RCAN2: variants seen among roughly 807,000 people sequenced by gnomAD.
RCAN2 encodes regulator of calcineurin 2, also known as calcipressin-2.
In RCAN2, 9 loss-of-function variants were observed where a neutral mutation model predicts 23.6. The ratio of observed to expected loss-of-function variants is 0.38; its 90% CI spans 0.23 to 0.67. The LOEUF (loss-of-function observed/expected upper bound fraction) is 0.67, where lower values mean the gene tolerates loss of function less well. RCAN2 is among the 30% of genes least tolerant of loss of function. RCAN2 has a pLI of 0.51. For missense variants in RCAN2, 273 were observed against 302.3 expected (o/e 0.90, Z 0.72); for synonymous variants, 109 against 115.7 (o/e 0.94, Z 0.37).
chr6:46,385,272 C>A (rs1052000301), intron 2 of RCAN2, among the ~76,000 whole-genome samples: 1 of 152,160 alleles, frequency 6.6e-6, no homozygotes, highest in Admixed American at 6.5e-5. Context: ...AGTAGCCAAA[C>A]AGAGAATTAG....
chr6:46,384,604 A>G (rs1291925058), intron 2 of RCAN2, among the ~76,000 whole-genome samples: 1 of 152,242 alleles, frequency 6.6e-6, no homozygotes, highest in African/African-American at 2.4e-5. Flanking sequence ...GTCTCAGCCA[A>G]CAACAGATGG....
intron 2 of RCAN2, among the ~76,000 whole-genome samples, chr6:46,286,567 G>T (rs1386445873): frequency 6.6e-6 from 1 of 152,196 alleles, no homozygotes; most frequent in Non-Finnish European, 1.5e-5. Flanking sequence ...CCAGAATAAA[G>T]ATGGACTATC....
chr6:46,255,570 G>A (rs1030314921), intron 2 of RCAN2, among the ~76,000 whole-genome samples: 10 of 152,152 alleles, frequency 6.6e-5, no homozygotes, highest in Non-Finnish European at 1.2e-4. Context: ...GTCAACATGA[G>A]GCACATGAAT....
At chr6:46,325,506 G>T (rs764679672) in intron 2 of RCAN2, 39 of 1,613,234 alleles carry the variant, frequency 2.4e-5, no homozygotes, top group Non-Finnish European at 3.2e-5. Flanking sequence ...TTAATAAAGA[G>T]TTAGGCAACC....
intron 1 of RCAN2, 115 bp from the exon 2 acceptor site, chr6:46,457,093 A>C (rs1768060199): frequency 1.5e-6 from 1 of 667,388 alleles, no homozygotes; most frequent in South Asian, 1.9e-5. Flanking sequence ...TTAGGAGCAG[A>C]GGCAGGGGAT....
chr6:46,405,308 G>A (rs922108705), intron 2 of RCAN2, among the ~76,000 whole-genome samples: 4 of 152,052 alleles, frequency 2.6e-5, no homozygotes, highest in Admixed American at 6.5e-5. Context: ...TTATTGCAAA[G>A]AGGGAAAGAA....
intron 2 of RCAN2, among the ~76,000 whole-genome samples, chr6:46,442,919 G>A (rs546384164): frequency 2.0e-5 from 3 of 152,226 alleles, no homozygotes; most frequent in Admixed American, 2.0e-4. Flanking sequence ...TTCATAAAAT[G>A]TCCTACAGCA....
At chr6:46,293,951 G>C (rs537257378) in intron 2 of RCAN2, among the ~76,000 whole-genome samples, 1 of 152,074 alleles carries the variant, frequency 6.6e-6, no homozygotes, top group East Asian at 1.9e-4. Flanking sequence ...TTTTTTTTGA[G>C]AATTGGAAAG....
At chr6:46,292,763 T>C (rs954316142) in intron 2 of RCAN2, among the ~76,000 whole-genome samples, 11 of 152,180 alleles carry the variant, frequency 7.2e-5, no homozygotes, top group African/African-American at 2.7e-4. Context: ...GGGATACATG[T>C]GCAGAACGTG....
At chr6:46,236,681 C>T (rs1766112056) in intron 4 of RCAN2, among the ~76,000 whole-genome samples, 4 of 152,188 alleles carry the variant, frequency 2.6e-5, no homozygotes, top group Admixed American at 2.6e-4. Flanking sequence ...CTGGTATGTA[C>T]TCACACGTGA....
chr6:46,297,612 G>C (rs1762765305), intron 2 of RCAN2, among the ~76,000 whole-genome samples: 1 of 152,078 alleles, frequency 6.6e-6, no homozygotes, highest in Admixed American at 6.6e-5. Context: ...CAGATTCCAT[G>C]AAGGACCAAA....
chr6:46,300,961 C>G (rs1369245131), intron 2 of RCAN2, among the ~76,000 whole-genome samples: 2 of 151,904 alleles, frequency 1.3e-5, no homozygotes, highest in African/African-American at 2.4e-5. Flanking sequence ...GACACCAAGA[C>G]TCTTTTGTCA....
intron 2 of RCAN2, among the ~76,000 whole-genome samples, chr6:46,437,348 T>C (rs374479331): frequency 3.8e-4 from 58 of 152,314 alleles, no homozygotes; most frequent in African/African-American, 1.3e-3. Context: ...CTGCATAAAT[T>C]CCAAGAGCAT....
chr6:46,346,363 A>G (rs1764480671), intron 2 of RCAN2, among the ~76,000 whole-genome samples: 1 of 152,162 alleles, frequency 6.6e-6, no homozygotes, highest in Non-Finnish European at 1.5e-5. Context: ...AACTCATTTT[A>G]TAAGGGCAGC....
chr6:46,335,947 T>C (rs181259678), intron 2 of RCAN2, among the ~76,000 whole-genome samples: 2 of 152,324 alleles, frequency 1.3e-5, no homozygotes, highest in Admixed American at 1.3e-4. Context: ...ATAGGCCCCA[T>C]TTAGAGATGA....
intron 4 of RCAN2, among the ~76,000 whole-genome samples, chr6:46,244,107 T>G (rs537491827): frequency 6.6e-6 from 1 of 152,316 alleles, no homozygotes; most frequent in African/African-American, 2.4e-5. Context: ...ATCTCTGTGT[T>G]TATTACAAAG....
chr6:46,221,787 G>A lies in RCAN2; in HGVS notation c.*1354C>T. The A allele has an allele frequency of 2.5e-6, 1 of 396,078 alleles. No homozygotes were observed. The highest frequency in any genetic ancestry group is 3.6e-5 in the East Asian group (1 of 27,992). 24.5% of individuals were successfully genotyped at this position (396,078 alleles called of 1,614,324 possible). On this transcript the variant is annotated 3_prime_UTR_variant, in exon 5 of 5. Transcript: ENST00000371374. ...ATTGTAATCTGCGTTTGCATCTAAA[G>A]TAATTCATTAATGTACAGGAGTAGA... is the stretch of plus-strand genomic sequence containing the variant.
intron 2 of RCAN2, among the ~76,000 whole-genome samples, chr6:46,312,903 A>G (rs1371143136): frequency 1.3e-5 from 2 of 152,198 alleles, no homozygotes; most frequent in Admixed American, 1.3e-4. Flanking sequence ...CACTCCAGCC[A>G]GAGTGGACTT....
chr6:46,483,376 A>G (rs2150448295), intron 1 of RCAN2, among the ~76,000 whole-genome samples: 1 of 152,260 alleles, frequency 6.6e-6, no homozygotes, highest in Admixed American at 6.5e-5. Flanking sequence ...TAGCCCTCTT[A>G]ACCTTCCAGA....
Sources: gnomAD v4.1 joint callset for allele counts (sites outside exome capture counted in the v4.1 genomes callset) on GRCh38, gnomAD v4.1.1 for gene constraint, MANE v1.5 for transcripts, NCBI Gene and HGNC (gene_info 2026-07-23, HGNC 2026-07-21) for gene names.